The following NTM variants were observed in gnomAD, a reference collection of about 807,000 sequenced individuals.
NTM encodes IgLON family member 2.
A neutral mutation model predicts 42.1 loss-of-function variants in NTM; 13 were observed. That is an observed-to-expected ratio of 0.31 (90% CI 0.20 to 0.49). NTM has a LOEUF of 0.49. NTM is among the 20% of genes least tolerant of loss of function. NTM has a pLI of 0.99. For missense variants in NTM, 373 were observed against 452.8 expected, an observed-to-expected ratio of 0.82 and a Z score of 1.60; for synonymous variants, 187 against 179.2, an observed-to-expected ratio of 1.04 and a Z score of -0.35.
intron 2 of NTM, among the ~76,000 whole-genome samples, chr11:132,090,934 G>A (rs11222913): frequency 0.69 from 104,571 of 152,042 alleles, 36,627 homozygotes; most frequent in Middle Eastern, 0.76. Flanking sequence ...ACCAAAAAAA[G>A]TGACAGTCCT....
intron 1 of NTM, among the ~76,000 whole-genome samples, chr11:131,690,756 G>T (rs1173442430): frequency 6.6e-6 from 1 of 152,212 alleles, no homozygotes; most frequent in East Asian, 1.9e-4. Flanking sequence ...ACATCCTTGG[G>T]GAACAAAATG....
intron 1 of NTM, among the ~76,000 whole-genome samples, chr11:131,762,780 T>C (rs1442414940): frequency 6.6e-6 from 1 of 151,630 alleles, no homozygotes; most frequent in Non-Finnish European, 1.5e-5. Context: ...GCCTGACTGC[T>C]CTTAGAACAG....
At chr11:131,533,331 G>A (rs1273320696) in intron 1 of NTM, among the ~76,000 whole-genome samples, 2 of 152,178 alleles carry the variant, frequency 1.3e-5, no homozygotes, top group Non-Finnish European at 2.9e-5. Context: ...TAAGCGTCGA[G>A]CGTGATTTAC....
intron 1 of NTM, among the ~76,000 whole-genome samples, chr11:131,605,113 A>T (rs2137465996): frequency 6.6e-6 from 1 of 150,526 alleles, no homozygotes; most frequent in African/African-American, 2.4e-5. Context: ...AGCCACATTG[A>T]GATTTAGATA....
At chr11:132,293,613 A>G (rs554974894) in intron 4 of NTM, among the ~76,000 whole-genome samples, 10 of 152,304 alleles carry the variant, frequency 6.6e-5, no homozygotes, top group Non-Finnish European at 1.3e-4. Flanking sequence ...AGAGGTCAGC[A>G]AACTACAGCC....
chr11:131,748,153 C>T (rs1005185835), intron 1 of NTM, among the ~76,000 whole-genome samples: 3 of 152,216 alleles, frequency 2.0e-5, no homozygotes, highest in Non-Finnish European at 4.4e-5. Flanking sequence ...GTCACTCAAC[C>T]AAGTCTGTTA....
intron 3 of NTM, among the ~76,000 whole-genome samples, chr11:132,207,869 C>T (rs2082220518): frequency 6.6e-6 from 1 of 152,190 alleles, no homozygotes; most frequent in African/African-American, 2.4e-5. Context: ...TCCTCTGTGT[C>T]TCCATAACAC....
At chr11:131,564,842 C>G (rs1245978846) in intron 1 of NTM, among the ~76,000 whole-genome samples, 1 of 151,846 alleles carries the variant, frequency 6.6e-6, no homozygotes, top group Non-Finnish European at 1.5e-5. Context: ...CAGACACATG[C>G]TCACATGCAC....
At chr11:131,878,635 ATATAT>A (rs2048966747) in intron 1 of NTM, among the ~76,000 whole-genome samples, 8 of 125,824 alleles carry the variant, frequency 6.4e-5, no homozygotes, top group African/African-American at 2.5e-4. Context: ...ATATATATAT[ATATAT>A]AATGTCTTAT....
intron 1 of NTM, among the ~76,000 whole-genome samples, chr11:131,636,958 T>TA (rs1251871813): frequency 1.2e-4 from 19 of 152,186 alleles, no homozygotes; most frequent in African/African-American, 4.6e-4. Context: ...CAGGAATGGC[T>TA]AGATAGATTG....
chr11:132,033,658 G>A (rs2076184875), intron 2 of NTM, among the ~76,000 whole-genome samples: 1 of 152,170 alleles, frequency 6.6e-6, no homozygotes, highest in African/African-American at 2.4e-5. Context: ...TGAACCAGAT[G>A]CAGCGTGAGA....
rs71477750 is a variant in NTM at position 132,236,021 on chromosome 11, C to CAT, written c.526+23875_526+23876insTA. ...ACACACACACACACACACACACACA[C>CAT]AACAAAATTGTATAACTCGCTTAAT... On this transcript the variant is annotated intron_variant, in intron 4 of 8. Coordinates refer to ENST00000683400, the MANE Select transcript of NTM (RefSeq NM_001352005.2). Among the ~76,000 whole-genome samples the CAT allele has an allele frequency of 5.0e-3, 753 of 150,916 alleles. 16 individuals carry two copies. The highest frequency in any genetic ancestry group is 0.016 in the African/African-American group (677 of 41,042).
At chr11:131,807,496 T>C (rs150584302) in intron 1 of NTM, among the ~76,000 whole-genome samples, 1,990 of 152,360 alleles carry the variant, frequency 0.013, 17 homozygotes, top group Non-Finnish European at 0.018. Flanking sequence ...TCAGACTGGC[T>C]GTCCCTTTGT....
At chr11:132,023,610 C>A (rs1418489317) in intron 2 of NTM, among the ~76,000 whole-genome samples, 1 of 152,204 alleles carries the variant, frequency 6.6e-6, no homozygotes, top group African/African-American at 2.4e-5. Context: ...AAGAGCACCC[C>A]TCTGTCCGAT....
chr11:131,442,830 TAC>T (rs1342265176), intron 1 of NTM, among the ~76,000 whole-genome samples: 2 of 151,888 alleles, frequency 1.3e-5, no homozygotes, highest in South Asian at 4.2e-4. Context: ...TATATATATA[TAC>T]ACACACAGAC....
chr11:132,223,483 G>A (rs570426216), intron 4 of NTM, among the ~76,000 whole-genome samples: 5 of 152,234 alleles, frequency 3.3e-5, no homozygotes, highest in Non-Finnish European at 7.4e-5. Flanking sequence ...GACTGCAAAG[G>A]CATGATATCA....
intron 1 of NTM, among the ~76,000 whole-genome samples, chr11:131,416,102 A>G (rs923185001): frequency 3.9e-5 from 6 of 152,194 alleles, no homozygotes; most frequent in Non-Finnish European, 8.8e-5. Flanking sequence ...TTGCTTTTTT[A>G]TCTGAGGTTC....
chr11:132,055,062 A>G (rs1445529435), intron 2 of NTM, among the ~76,000 whole-genome samples: 1 of 152,228 alleles, frequency 6.6e-6, no homozygotes, highest in African/African-American at 2.4e-5. Flanking sequence ...TTGCCAGCAG[A>G]AAGCTGAATG....
At chr11:131,432,608 C>A (rs1465868742) in intron 1 of NTM, among the ~76,000 whole-genome samples, 1 of 151,976 alleles carries the variant, frequency 6.6e-6, no homozygotes, top group Non-Finnish European at 1.5e-5. Flanking sequence ...CTTAAAAAAT[C>A]GTGTATTTTT....
Sources: allele counts gnomAD v4.1 joint callset (sites outside exome capture counted in the v4.1 genomes callset), GRCh38; gene constraint gnomAD v4.1.1; transcripts MANE v1.5; gene names NCBI Gene and HGNC (gene_info 2026-07-23, HGNC 2026-07-21).